Variants in SEC14L5 observed in about 807,000 individuals in gnomAD.
SEC14L5 encodes the protein SEC14-like protein 5.
Under a neutral mutation model 84.6 loss-of-function variants are expected in SEC14L5, and 96 were observed. The ratio of observed to expected loss-of-function variants is 1.13; its 90% CI spans 0.96 to 1.34. The LOEUF is 1.34. Ranked by LOEUF, SEC14L5 falls within the 40% of genes most tolerant of loss-of-function variation. The pLI is 0.00. For missense variants in SEC14L5, 1,224 were observed against 942.5 expected, an observed-to-expected ratio of 1.30 and a Z score of -3.91; for synonymous variants, 546 against 383.4, an observed-to-expected ratio of 1.42 and a Z score of -4.95.
At chr16:4,998,108 C>T (rs558978332) in intron 8 of SEC14L5, among the ~76,000 whole-genome samples, 87 of 149,596 alleles carry the variant, frequency 5.8e-4, no homozygotes, top group African/African-American at 1.9e-3. Flanking sequence ...CAGGTTCAAG[C>T]GATTCTCCTG....
intron 11 of SEC14L5, among the ~76,000 whole-genome samples, chr16:5,005,092 CCT>C (rs1331344672): frequency 6.6e-6 from 1 of 152,038 alleles, no homozygotes; most frequent in African/African-American, 2.4e-5. Flanking sequence ...GGGTGGATCA[CCT>C]GAGGTCAGGA....
intron 2 of SEC14L5, among the ~76,000 whole-genome samples, chr16:4,962,624 G>T (rs1278366604): frequency 2.0e-5 from 3 of 148,150 alleles, no homozygotes; most frequent in Admixed American, 6.9e-5. Flanking sequence ...GGAGGCGGAG[G>T]TTGCAGGGAG....
At chr16:4,966,566 G>A (rs1365473980) in intron 2 of SEC14L5, among the ~76,000 whole-genome samples, 1 of 152,148 alleles carries the variant, frequency 6.6e-6, no homozygotes, top group African/African-American at 2.4e-5. Context: ...GAGCCACCGT[G>A]CCCAGCCCCA....
Position 4,996,853 on chromosome 16 carries a change from A to C in SEC14L5, c.781-2A>C. 3 of 1,606,688 alleles carry C rather than the reference A, an allele frequency of 1.9e-6. No individual in the cohort carries two copies. The South Asian group carries it at 3.3e-5, about 18-fold the overall frequency. ...TGGGCTTTTTACTTCTTTGTCTCTC[A>C]GATTCCCAAAGATGAGCACATCCTT... On this transcript the variant is annotated splice_acceptor_variant, in intron 7 of 15. Transcript: ENST00000251170. LOFTEE classifies it high-confidence loss of function.
intron 2 of SEC14L5, among the ~76,000 whole-genome samples, chr16:4,962,862 C>G (rs1955143329): frequency 6.6e-6 from 1 of 152,126 alleles, no homozygotes; most frequent in Admixed American, 6.6e-5. Context: ...CGACTGTTTA[C>G]AAAACATTAT....
At chr16:4,998,784 C>T (rs548865943) in intron 8 of SEC14L5, among the ~76,000 whole-genome samples, 25 of 144,874 alleles carry the variant, frequency 1.7e-4, no homozygotes, top group Non-Finnish European at 3.3e-4. Context: ...TCATCTATAT[C>T]AAGTAGGGTA....
At chr16:4,998,809 C>G (rs1375220145) in intron 8 of SEC14L5, among the ~76,000 whole-genome samples, 1 of 150,394 alleles carries the variant, frequency 6.6e-6, no homozygotes, top group Non-Finnish European at 1.5e-5. Flanking sequence ...CTTGACTCTC[C>G]TAAAGAACCG....
chr16:4,992,900 G>A (rs1363871464), intron 6 of SEC14L5, among the ~76,000 whole-genome samples: 1 of 152,130 alleles, frequency 6.6e-6, no homozygotes, highest in Non-Finnish European at 1.5e-5. Context: ...TGTTGAATAC[G>A]TGAGAACATA....
chr16:5,015,393 G>A lies in SEC14L5; in HGVS notation c.*423G>A. On this transcript the variant is annotated 3_prime_UTR_variant, in exon 16 of 16. Coordinates refer to ENST00000251170, the MANE Select transcript of SEC14L5 (RefSeq NM_014692.2). ...CATAAGAGAGCCTCTTCCTCCCAAA[G>A]GCTCCAGCCCACTTCCCAGAGCTGA... The A allele has an allele frequency of 5.8e-6, 1 of 172,966 alleles. No individual in the cohort carries two copies. The highest frequency in any genetic ancestry group is 1.2e-5 in the Non-Finnish European group (1 of 80,092). 10.7% of individuals were successfully genotyped at this position (172,966 alleles called of 1,614,324 possible).
At chr16:4,996,625 C>T (rs1955612554) in intron 7 of SEC14L5, among the ~76,000 whole-genome samples, 165 bp downstream of exon 7, 1 of 151,978 alleles carries the variant, frequency 6.6e-6, no homozygotes, top group African/African-American at 2.4e-5. Context: ...ACTCTGTCCC[C>T]CAGGCAGTGG....
At chr16:4,960,930 AG>A (rs1446308909) in intron 2 of SEC14L5, among the ~76,000 whole-genome samples, 1 of 152,124 alleles carries the variant, frequency 6.6e-6, no homozygotes, top group Non-Finnish European at 1.5e-5. Flanking sequence ...CAGATGCTTT[AG>A]GGTTCTGCTG....
chr16:4,961,282 A>G (rs1324752803), intron 2 of SEC14L5, among the ~76,000 whole-genome samples: 1 of 147,468 alleles, frequency 6.8e-6, no homozygotes, highest in African/African-American at 2.5e-5. Flanking sequence ...CAACAACAAC[A>G]ACAGCAACAA....
rs1955513656 is a variant in SEC14L5 at position 4,988,128 on chromosome 16, TC to T, written c.214-17del. On this transcript the variant is annotated intron_variant, in intron 3 of 15. Coordinates refer to ENST00000251170, the MANE Select transcript of SEC14L5 (RefSeq NM_014692.2). The stretch of plus-strand genomic sequence containing the variant: ...TCCACGCCGCCCACCCACCTCCGCC[TC>T]CCCGCCCCTTCCCTTGCAGATCGCA... 1.7e-6 allele frequency: 2 copies of T among 1,172,958 alleles called. No individual in the cohort carries two copies. Among genetic ancestry groups the T allele is most frequent in the Non-Finnish European group, 2.4e-6 (2 of 825,984 alleles). The allele number at this position is 1,172,958 out of a possible 1,614,324, so 72.7% of individuals were successfully genotyped here.
At chr16:4,979,546 TC>T (rs1471675091) in intron 2 of SEC14L5, among the ~76,000 whole-genome samples, 1 of 152,138 alleles carries the variant, frequency 6.6e-6, no homozygotes, top group Non-Finnish European at 1.5e-5. Context: ...TCCAAATGTG[TC>T]CTTTTGGTAC....
intron 2 of SEC14L5, among the ~76,000 whole-genome samples, chr16:4,976,855 G>A (rs963722184): frequency 6.6e-6 from 1 of 152,208 alleles, no homozygotes; most frequent in African/African-American, 2.4e-5. Flanking sequence ...GTTTAGCAGG[G>A]AGAGGCTCAG....
intron 2 of SEC14L5, among the ~76,000 whole-genome samples, chr16:4,970,617 C>A (rs1955263335): frequency 6.6e-6 from 1 of 152,202 alleles, no homozygotes; most frequent in African/African-American, 2.4e-5. Flanking sequence ...GGGGAACCAG[C>A]TGATCCTAGG....
intron 2 of SEC14L5, among the ~76,000 whole-genome samples, chr16:4,962,457 G>T (rs895933950): frequency 6.6e-6 from 1 of 152,098 alleles, no homozygotes; most frequent in Non-Finnish European, 1.5e-5. Context: ...GGAGGCTAAG[G>T]CGGGCGGACC....
intron 5 of SEC14L5, 73 bp downstream of exon 5, chr16:4,990,968 CCT>C (rs869295441): frequency 6.2e-6 from 8 of 1,295,098 alleles, no homozygotes; most frequent in African/African-American, 1.6e-5. Context: ...CTGCATGACC[CCT>C]GGCAAGACCC....
Position 5,007,512 on chromosome 16 carries a change from C to G in SEC14L5, c.1572+26C>G, listed in dbSNP as rs377334824. The G allele has an allele frequency of 3.1e-6, 5 of 1,609,232 alleles. No homozygotes were observed. The African/African-American group carries it at 6.7e-5, about 21-fold the overall frequency. On this transcript the variant is annotated intron_variant, in intron 13 of 15. Coordinates refer to ENST00000251170, the MANE Select transcript of SEC14L5 (RefSeq NM_014692.2). Reference sequence around the variant, plus strand: ...GTGCCAGGGCCTGGCCGGGGAGGGCCCGCTGAGCTGGAGTGTCTGTCGTCT... The same window carrying G: ...GTGCCAGGGCCTGGCCGGGGAGGGCGCGCTGAGCTGGAGTGTCTGTCGTCT...
Sources: gnomAD v4.1 joint callset for allele counts (sites outside exome capture counted in the v4.1 genomes callset) on GRCh38, gnomAD v4.1.1 for gene constraint, MANE v1.5 for transcripts, NCBI Gene and HGNC (gene_info 2026-07-23, HGNC 2026-07-21) for gene names.